Variants in EYA2 observed in about 807,000 individuals in gnomAD.
EYA2 encodes the protein protein phosphatase EYA2.
Under a neutral mutation model 69.2 loss-of-function variants are expected in EYA2, and 31 were observed. The observed-to-expected ratio is 0.45, with a 90% CI of 0.34 to 0.60. EYA2 has a LOEUF of 0.60. Among genes scored for constraint, EYA2 ranks in the 20% least tolerant of loss-of-function variants. The pLI is 0.02. For missense variants in EYA2, 622 were observed against 701.2 expected (o/e 0.89, Z 1.28); for synonymous variants, 257 against 279.4 (o/e 0.92, Z 0.80).
chr20:47,100,029 TTTGGTTTG>T, intron 9 of EYA2, among the ~76,000 whole-genome samples: 1 of 148,624 alleles, frequency 6.7e-6, no homozygotes, highest in Non-Finnish European at 1.5e-5. Flanking sequence ...TTTGGTTTGG[TTTGGTTTG>T]GTTTTGTTCA....
chr20:47,153,571 T>C (rs2033865386), intron 10 of EYA2, among the ~76,000 whole-genome samples: 1 of 151,812 alleles, frequency 6.6e-6, no homozygotes, highest in African/African-American at 2.4e-5. Context: ...AGAGGATCAA[T>C]TGAGCCTGGG....
At chr20:47,146,002 A>G (rs1227978392) in intron 10 of EYA2, among the ~76,000 whole-genome samples, 2 of 152,140 alleles carry the variant, frequency 1.3e-5, no homozygotes, top group African/African-American at 4.8e-5. Context: ...GACTGGATCC[A>G]GGTGGTAGGA....
Position 47,188,562 on chromosome 20 carries a change from T to C in EYA2, c.*429T>C. 2 of 461,052 alleles carry C rather than the reference T, an allele frequency of 4.3e-6. No individual in the cohort carries two copies. The allele number at this position is 461,052 out of a possible 1,614,324, so 28.6% of individuals were successfully genotyped here. ...TAGTCGTTGGTTTGGTTTGGTTTTTTGAACTGGTATGTGGGGTGGTTCACA... is the reference window on the plus strand; with the variant it reads ...TAGTCGTTGGTTTGGTTTGGTTTTTCGAACTGGTATGTGGGGTGGTTCACA... On this transcript the variant is annotated 3_prime_UTR_variant, in exon 16 of 16. Coordinates refer to ENST00000327619, the MANE Select transcript of EYA2 (RefSeq NM_005244.5).
chr20:47,114,060 G>T (rs927683431), intron 9 of EYA2, among the ~76,000 whole-genome samples: 1 of 152,130 alleles, frequency 6.6e-6, no homozygotes, highest in Admixed American at 6.5e-5. Context: ...CAGCTCTTCT[G>T]TCGGGGGAGA....
intron 5 of EYA2, among the ~76,000 whole-genome samples, chr20:47,035,740 G>A (rs1402519606): frequency 6.6e-6 from 1 of 152,102 alleles, no homozygotes; most frequent in African/African-American, 2.4e-5. Context: ...ACTGGGCCGG[G>A]CTTGGTGGCT....
rs1201324879 is a variant in EYA2, at chr20:47,135,818, C to CAAAAAAAAAAAAAAAAAAAAAAA, written c.889-7240_889-7218dup. Among the ~76,000 whole-genome samples, 10 of 33,148 alleles carry CAAAAAAAAAAAAAAAAAAAAAAA rather than the reference C, an allele frequency of 3.0e-4. 1 individual carries two copies. The highest frequency in any genetic ancestry group is 5.0e-4 in the Non-Finnish European group (9 of 18,042). 21.7% of individuals were successfully genotyped at this position (33,148 alleles called of 152,430 possible). On this transcript the variant is annotated intron_variant, in intron 9 of 15. Coordinates refer to ENST00000327619, the MANE Select transcript of EYA2 (RefSeq NM_005244.5). ...GCAACATAAGGAGACCCTGTCTCTA[C>CAAAAAAAAAAAAAAAAAAAAAAA]AAAAAAAAAAAAAAAAAAAAAAACA...
At chr20:47,179,278 GTGGGTGGA>G (rs1261144481) in intron 12 of EYA2, among the ~76,000 whole-genome samples, 12 of 134,602 alleles carry the variant, frequency 8.9e-5, no homozygotes, top group Non-Finnish European at 1.6e-4. Flanking sequence ...GGATGGGTGT[GTGGGTGGA>G]TGGGTGGATG....
intron 9 of EYA2, chr20:47,117,693 A>T (rs1292536531): frequency 2.0e-6 from 2 of 985,320 alleles, no homozygotes; most frequent in Non-Finnish European, 2.4e-6. Context: ...AGCAGTTAAA[A>T]ACTATTTGTA....
intron 10 of EYA2, among the ~76,000 whole-genome samples, chr20:47,162,941 C>T (rs2034100512): frequency 6.6e-6 from 1 of 151,984 alleles, no homozygotes; most frequent in Non-Finnish European, 1.5e-5. Flanking sequence ...CCAGATCTTT[C>T]TTTTTCCAGT....
intron 3 of EYA2, among the ~76,000 whole-genome samples, chr20:47,003,032 C>T (rs1982477419): frequency 6.6e-6 from 1 of 152,156 alleles, no homozygotes; most frequent in Admixed American, 6.5e-5. Flanking sequence ...AGTGATGTAA[C>T]CAAAATGGAA....
chr20:47,159,574 A>T (rs1202353997), intron 10 of EYA2, among the ~76,000 whole-genome samples: 1 of 152,086 alleles, frequency 6.6e-6, no homozygotes, highest in Non-Finnish European at 1.5e-5. Flanking sequence ...TTAACACAGC[A>T]CTATCTGCTT....
chr20:47,078,165 T>A (rs2031581724), intron 7 of EYA2, among the ~76,000 whole-genome samples: 1 of 152,194 alleles, frequency 6.6e-6, no homozygotes. Context: ...GGTTCAACAG[T>A]AAGTGGTTGA....
chr20:46,965,800 T>G (rs1182670321), intron 1 of EYA2, among the ~76,000 whole-genome samples: 1 of 152,230 alleles, frequency 6.6e-6, no homozygotes, highest in Non-Finnish European at 1.5e-5. Context: ...TAGAATGTGT[T>G]TGTCTGGTCA....
chr20:47,158,888 G>A (rs2034009439), intron 10 of EYA2, among the ~76,000 whole-genome samples: 1 of 151,484 alleles, frequency 6.6e-6, no homozygotes, highest in Admixed American at 6.6e-5. Context: ...AGATCCCAAT[G>A]GCCAAATCTG....
intron 1 of EYA2, among the ~76,000 whole-genome samples, chr20:46,904,861 G>A (rs1984279535): frequency 6.6e-6 from 1 of 152,128 alleles, no homozygotes; most frequent in Non-Finnish European, 1.5e-5. Flanking sequence ...AGAATGGGGA[G>A]CCCAAATTCC....
chr20:47,047,084 T>C (rs1363797780), intron 5 of EYA2, among the ~76,000 whole-genome samples: 1 of 152,196 alleles, frequency 6.6e-6, no homozygotes, highest in Non-Finnish European at 1.5e-5. Flanking sequence ...TGATTTTTTT[T>C]CTCTTTTCAA....
chr20:47,132,021 C>A (rs114186787), intron 9 of EYA2, among the ~76,000 whole-genome samples: 3,361 of 152,258 alleles, frequency 0.022, 113 homozygotes, highest in East Asian at 0.09. Context: ...GGCTGGAGTG[C>A]AGTAGCGCAA....
intron 2 of EYA2, among the ~76,000 whole-genome samples, chr20:46,995,162 A>G (rs1484783201): frequency 6.6e-6 from 1 of 152,106 alleles, no homozygotes; most frequent in East Asian, 1.9e-4. Context: ...AAGCCTCCCA[A>G]AGTGCTGGGA....
At chr20:47,016,105 A>G in intron 4 of EYA2, 76 bp from the exon 5 acceptor site, 1 of 1,060,810 alleles carries the variant, frequency 9.4e-7, no homozygotes. Context: ...TTGACCCAGT[A>G]GCTCTTTTGT....
Sources: allele counts gnomAD v4.1 joint callset (sites outside exome capture counted in the v4.1 genomes callset), GRCh38; gene constraint gnomAD v4.1.1; transcripts MANE v1.5; gene names NCBI Gene and HGNC (gene_info 2026-07-23, HGNC 2026-07-21).